The following GRID2 variants were observed in gnomAD, a reference collection of about 807,000 sequenced individuals.
GRID2 encodes glutamate receptor ionotropic, delta-2.
A neutral mutation model predicts 114.8 loss-of-function variants in GRID2; 33 were observed. The ratio of observed to expected loss-of-function variants is 0.29; its 90% CI spans 0.22 to 0.38. The LOEUF (loss-of-function observed/expected upper bound fraction) is 0.38, where lower values mean the gene tolerates loss of function less well. Among genes scored for constraint, GRID2 ranks in the 10% least tolerant of loss-of-function variants. The pLI, the probability that GRID2 is intolerant of heterozygous loss-of-function variation, is 1.00. For missense variants in GRID2, 1,184 were observed against 1,257.7 expected (o/e 0.94, Z 0.89); for synonymous variants, 505 against 449.9 (o/e 1.12, Z -1.55).
intron 2 of GRID2, among the ~76,000 whole-genome samples, chr4:92,724,178 G>A (rs562775111): frequency 2.6e-5 from 4 of 152,134 alleles, no homozygotes; most frequent in African/African-American, 4.8e-5. Flanking sequence ...TCAAAAAGGC[G>A]GTACCTTCTG....
intron 2 of GRID2, among the ~76,000 whole-genome samples, chr4:93,028,608 C>A (rs1320459204): frequency 6.6e-6 from 1 of 151,898 alleles, no homozygotes; most frequent in Non-Finnish European, 1.5e-5. Context: ...ATACGTACGA[C>A]ATTTTGATAT....
At chr4:93,625,716 C>T (rs933567390) in intron 13 of GRID2, among the ~76,000 whole-genome samples, 6 of 152,104 alleles carry the variant, frequency 3.9e-5, no homozygotes, top group African/African-American at 7.2e-5. Context: ...GAGATTGAGA[C>T]CATCCTGGCT....
At chr4:92,816,022 G>T (rs1578229062) in intron 2 of GRID2, among the ~76,000 whole-genome samples, 1 of 140,160 alleles carries the variant, frequency 7.1e-6, no homozygotes, top group African/African-American at 2.6e-5. Flanking sequence ...GTTTTTAAAA[G>T]TACATTTTAC....
At chr4:92,866,130 G>T (rs969255526) in intron 2 of GRID2, among the ~76,000 whole-genome samples, 1 of 152,188 alleles carries the variant, frequency 6.6e-6, no homozygotes, top group African/African-American at 2.4e-5. Context: ...CTGCACACAT[G>T]TTGAGGATAT....
chr4:93,477,290 G>T, intron 11 of GRID2, among the ~76,000 whole-genome samples: 1 of 152,010 alleles, frequency 6.6e-6, no homozygotes, highest in Non-Finnish European at 1.5e-5. Flanking sequence ...TAGCCTAATC[G>T]CCCCTTAAAG....
chr4:92,710,903 A>C (rs2149309363), intron 2 of GRID2, among the ~76,000 whole-genome samples: 1 of 152,080 alleles, frequency 6.6e-6, no homozygotes, highest in Admixed American at 6.6e-5. Flanking sequence ...CCATGATGAA[A>C]AAACTAGCAT....
chr4:92,363,644 G>A (rs181490532), intron 1 of GRID2, among the ~76,000 whole-genome samples: 85 of 151,304 alleles, frequency 5.6e-4, no homozygotes, highest in African/African-American at 1.9e-3. Context: ...AAATTATTTT[G>A]TCATTTAGAC....
intron 2 of GRID2, among the ~76,000 whole-genome samples, chr4:92,912,142 T>C (rs566182976): frequency 6.6e-6 from 1 of 152,020 alleles, no homozygotes; most frequent in East Asian, 1.9e-4. Flanking sequence ...ATTTAATCTA[T>C]ACAGGATATT....
At chr4:92,634,693 A>G (rs2149248607) in intron 2 of GRID2, among the ~76,000 whole-genome samples, 1 of 151,762 alleles carries the variant, frequency 6.6e-6, no homozygotes, top group Admixed American at 6.6e-5. Context: ...TTTTAATAAG[A>G]TGGAAGAAAC....
At chr4:93,342,327 G>T (rs1381954026) in intron 8 of GRID2, among the ~76,000 whole-genome samples, 1 of 151,972 alleles carries the variant, frequency 6.6e-6, no homozygotes, top group African/African-American at 2.4e-5. Context: ...TCCTGTCCCT[G>T]CTGTCTTTCT....
At chr4:92,752,083 G>A (rs1005244184) in intron 2 of GRID2, among the ~76,000 whole-genome samples, 5 of 152,316 alleles carry the variant, frequency 3.3e-5, no homozygotes, top group African/African-American at 4.8e-5. Context: ...CATGTTGGCT[G>A]TAAACAATAT....
chr4:93,497,342 C>G (rs533514585), intron 12 of GRID2, among the ~76,000 whole-genome samples: 1 of 151,682 alleles, frequency 6.6e-6, no homozygotes, highest in Non-Finnish European at 1.5e-5. Context: ...TAGGGTTCAT[C>G]ATAGAACAAA....
chr4:93,014,160 G>T (rs1722458288), intron 2 of GRID2, among the ~76,000 whole-genome samples: 1 of 151,968 alleles, frequency 6.6e-6, no homozygotes, highest in Non-Finnish European at 1.5e-5. Context: ...AGTTTGTTCA[G>T]GCTGCTATGA....
intron 2 of GRID2, among the ~76,000 whole-genome samples, chr4:92,680,251 A>C (rs1475379963): frequency 6.6e-6 from 1 of 152,110 alleles, no homozygotes. Flanking sequence ...ACAAATTCGA[A>C]TCCAAAATTT....
intron 2 of GRID2, among the ~76,000 whole-genome samples, chr4:92,707,840 TC>T (rs1357952520): frequency 3.9e-5 from 6 of 152,226 alleles, no homozygotes; most frequent in African/African-American, 1.4e-4. Flanking sequence ...CATTTGATGG[TC>T]CCTGATGGGT....
At chr4:92,943,641 G>A (rs1370535025) in intron 2 of GRID2, among the ~76,000 whole-genome samples, 2 of 152,174 alleles carry the variant, frequency 1.3e-5, no homozygotes, top group Non-Finnish European at 2.9e-5. Context: ...TTCCTTTGGA[G>A]GAGGAGAGGT....
intron 2 of GRID2, among the ~76,000 whole-genome samples, chr4:92,727,213 TAAAA>T (rs545824992): frequency 5.8e-4 from 89 of 152,150 alleles, no homozygotes; most frequent in African/African-American, 1.6e-3. Flanking sequence ...TAAACAAAAG[TAAAA>T]AAAGTTCGTA....
chr4:92,424,989 CTTGTA>C (rs1251297978), intron 1 of GRID2, among the ~76,000 whole-genome samples: 3 of 151,724 alleles, frequency 2.0e-5, no homozygotes, highest in Non-Finnish European at 4.4e-5. Flanking sequence ...AAAATTAAGT[CTTGTA>C]TTGTTATTAA....
intron 8 of GRID2, among the ~76,000 whole-genome samples, chr4:93,325,930 T>C (rs1013092759): frequency 2.0e-5 from 3 of 152,132 alleles, no homozygotes; most frequent in Non-Finnish European, 4.4e-5. Context: ...AAGTGAGTTC[T>C]CAAGAGATAC....
Sources: gnomAD v4.1 joint callset for allele counts (sites outside exome capture counted in the v4.1 genomes callset) on GRCh38, gnomAD v4.1.1 for gene constraint, MANE v1.5 for transcripts, NCBI Gene and HGNC (gene_info 2026-07-23, HGNC 2026-07-21) for gene names.